PTPRK: variants seen among roughly 807,000 people sequenced by gnomAD.
PTPRK encodes protein tyrosine phosphatase receptor type K, also known as receptor-type tyrosine-protein phosphatase kappa.
PTPRK carries 75 observed loss-of-function variants against 178.0 expected under a neutral mutation model. The ratio of observed to expected loss-of-function variants is 0.42; its 90% CI spans 0.35 to 0.51. The LOEUF is 0.51. Ranked by LOEUF, PTPRK falls within the 20% of genes least tolerant of loss-of-function variation. The pLI, the probability that PTPRK is intolerant of heterozygous loss-of-function variation, is 0.02. For missense variants in PTPRK, 1,441 were observed against 1,797.8 expected, an observed-to-expected ratio of 0.80 and a Z score of 3.59; for synonymous variants, 637 against 620.6, an observed-to-expected ratio of 1.03 and a Z score of -0.39.
At chr6:128,366,535 A>G (rs1452429608) in intron 2 of PTPRK, among the ~76,000 whole-genome samples, 1 of 152,164 alleles carries the variant, frequency 6.6e-6, no homozygotes, top group Admixed American at 6.6e-5. Context: ...CATCTCAGAC[A>G]TGCAAAAGAC....
In PTPRK at chr6:128,366,426, T is replaced by A. The variant is rs990415356; in HGVS notation, c.223+31140A>T. Among the ~76,000 whole-genome samples, 4 of 152,272 alleles carry A rather than the reference T, an allele frequency of 2.6e-5. No individual in the cohort carries two copies. The East Asian group carries it at 7.7e-4, about 29-fold the overall frequency. ...TAATAATTTCCCTATTTCTCAATTTTAAGTATTAAATAAAAATTGTGGCTC... is the reference window on the plus strand; with the variant it reads ...TAATAATTTCCCTATTTCTCAATTTAAAGTATTAAATAAAAATTGTGGCTC... On this transcript the variant is annotated intron_variant, in intron 2 of 29. Transcript: ENST00000368226.
intron 1 of PTPRK, among the ~76,000 whole-genome samples, chr6:128,497,277 TATTTA>T (rs1406380617): frequency 6.6e-6 from 1 of 152,178 alleles, no homozygotes; most frequent in Non-Finnish European, 1.5e-5. Context: ...TTTTAAACTA[TATTTA>T]ATTTAATTAT....
intron 2 of PTPRK, among the ~76,000 whole-genome samples, chr6:128,355,523 CAT>C (rs1366138628): frequency 6.6e-6 from 1 of 152,088 alleles, no homozygotes; most frequent in Non-Finnish European, 1.5e-5. Flanking sequence ...TATACACACA[CAT>C]GCATGTGGGT....
intron 5 of PTPRK, among the ~76,000 whole-genome samples, chr6:128,230,164 G>A (rs918839521): frequency 6.6e-6 from 1 of 152,174 alleles, no homozygotes; most frequent in Non-Finnish European, 1.5e-5. Flanking sequence ...CAAGTTGCAG[G>A]AAATGGAGAG....
chr6:128,116,676 T>C (rs575590961), intron 7 of PTPRK, among the ~76,000 whole-genome samples: 2 of 152,330 alleles, frequency 1.3e-5, no homozygotes, highest in African/African-American at 4.8e-5. Context: ...ATTTGTTATA[T>C]TCCAATCTGG....
At chr6:128,087,062 G>A (rs560385704) in intron 8 of PTPRK, among the ~76,000 whole-genome samples, 1 of 152,072 alleles carries the variant, frequency 6.6e-6, no homozygotes, top group South Asian at 2.1e-4. Flanking sequence ...TCAATGTAGG[G>A]CATAATTTAA....
At chr6:128,458,674 A>G (rs2128410744) in intron 1 of PTPRK, among the ~76,000 whole-genome samples, 1 of 152,370 alleles carries the variant, frequency 6.6e-6, no homozygotes, top group Admixed American at 6.5e-5. Flanking sequence ...TACACAATGT[A>G]TATATGAATT....
chr6:128,245,866 G>GA (rs933559589), intron 3 of PTPRK, among the ~76,000 whole-genome samples: 1 of 152,032 alleles, frequency 6.6e-6, no homozygotes, highest in Non-Finnish European at 1.5e-5. Context: ...TCTCAGGGGT[G>GA]AAAAAAACCC....
intron 16 of PTPRK, among the ~76,000 whole-genome samples, chr6:127,998,331 A>G (rs1777404658): frequency 6.6e-6 from 1 of 152,098 alleles, no homozygotes; most frequent in Non-Finnish European, 1.5e-5. Context: ...CAACAAAAAA[A>G]GGGGCAGAGA....
chr6:128,372,660 T>A (rs1410508571), intron 2 of PTPRK, among the ~76,000 whole-genome samples: 1 of 152,074 alleles, frequency 6.6e-6, no homozygotes, highest in East Asian at 1.9e-4. Flanking sequence ...ATAATGATAA[T>A]AAGGAGAGTT....
At chr6:128,090,829 G>T (rs754708956) in intron 7 of PTPRK, among the ~76,000 whole-genome samples, 2 of 152,004 alleles carry the variant, frequency 1.3e-5, no homozygotes, top group African/African-American at 4.8e-5. Context: ...CATCTACAGA[G>T]TAAAAAAACT....
chr6:128,261,429 T>C (rs991648305), intron 3 of PTPRK, among the ~76,000 whole-genome samples: 14 of 152,186 alleles, frequency 9.2e-5, no homozygotes, highest in African/African-American at 2.9e-4. Flanking sequence ...CATTGTACAT[T>C]GACAGGTATA....
chr6:128,377,672 T>G (rs928344341), intron 2 of PTPRK, among the ~76,000 whole-genome samples: 1 of 150,988 alleles, frequency 6.6e-6, no homozygotes, highest in African/African-American at 2.4e-5. Context: ...AAAAGGGATA[T>G]GAAAGTGATC....
intron 8 of PTPRK, among the ~76,000 whole-genome samples, chr6:128,085,525 G>A (rs985459027): frequency 1.3e-5 from 2 of 152,178 alleles, no homozygotes; most frequent in Non-Finnish European, 2.9e-5. Flanking sequence ...TGATTTGATG[G>A]CATTGTAATT....
chr6:128,101,116 A>G (rs1227956122), intron 7 of PTPRK, among the ~76,000 whole-genome samples: 2 of 152,084 alleles, frequency 1.3e-5, no homozygotes, highest in African/African-American at 4.8e-5. Context: ...AAATATTCAC[A>G]GAAGAATAGT....
intron 3 of PTPRK, among the ~76,000 whole-genome samples, chr6:128,299,174 G>A (rs1297900019): frequency 6.6e-6 from 1 of 152,088 alleles, no homozygotes; most frequent in Non-Finnish European, 1.5e-5. Flanking sequence ...GGACGTGAAG[G>A]ATATCTTCAA....
chr6:128,503,042 G>A (rs13201242), intron 1 of PTPRK, among the ~76,000 whole-genome samples: 10,730 of 152,040 alleles, frequency 0.071, 776 homozygotes, highest in African/African-American at 0.19. Flanking sequence ...CCTGGCCAAC[G>A]TGGTGAAACC....
chr6:127,981,742 C>T (rs921996381), intron 24 of PTPRK, among the ~76,000 whole-genome samples: 3 of 152,120 alleles, frequency 2.0e-5, no homozygotes, highest in African/African-American at 7.2e-5. Context: ...TTATTTTCAC[C>T]CACCTTCAGG....
At chr6:128,198,938 T>C (rs553140038) in intron 6 of PTPRK, among the ~76,000 whole-genome samples, 1 of 152,154 alleles carries the variant, frequency 6.6e-6, no homozygotes, top group African/African-American at 2.4e-5. Flanking sequence ...ATAAAAGTAT[T>C]AACATAAGAA....
Sources: gnomAD v4.1 joint callset for allele counts (sites outside exome capture counted in the v4.1 genomes callset) on GRCh38, gnomAD v4.1.1 for gene constraint, MANE v1.5 for transcripts, NCBI Gene and HGNC (gene_info 2026-07-23, HGNC 2026-07-21) for gene names.